GRAMD1B: variants seen among roughly 807,000 people sequenced by gnomAD.
GRAMD1B encodes GRAM domain containing 1B, also known as protein Aster-B.
GRAMD1B carries 37 observed loss-of-function variants against 99.7 expected under a neutral mutation model. The ratio of observed to expected loss-of-function variants is 0.37; its 90% confidence interval spans 0.29 to 0.49. The LOEUF (loss-of-function observed/expected upper bound fraction) is 0.49, where lower values mean the gene tolerates loss of function less well. GRAMD1B is among the 20% of genes least tolerant of loss of function. The pLI, the probability that GRAMD1B is intolerant of heterozygous loss-of-function variation, is 0.98. For synonymous variants in GRAMD1B, 427 were observed against 387.6 expected, an observed-to-expected ratio of 1.10 and a Z score of -1.19; for missense variants, 888 against 1,009.2, an observed-to-expected ratio of 0.88 and a Z score of 1.63.
chr11:123,407,594 G>C (rs916973506), intron 1 of GRAMD1B, among the ~76,000 whole-genome samples: 1 of 152,194 alleles, frequency 6.6e-6, no homozygotes, highest in African/African-American at 2.4e-5. Flanking sequence ...ACACCACCAG[G>C]TGATCTGCCA....
At chr11:123,390,820 C>T (rs1484424587) in intron 1 of GRAMD1B, among the ~76,000 whole-genome samples, 1 of 152,220 alleles carries the variant, frequency 6.6e-6, no homozygotes, top group African/African-American at 2.4e-5. Flanking sequence ...TTTCCATGAC[C>T]TCATCTAGGA....
intron 1 of GRAMD1B, among the ~76,000 whole-genome samples, chr11:123,476,400 C>T (rs184997070): frequency 2.0e-5 from 3 of 152,308 alleles, no homozygotes; most frequent in South Asian, 2.1e-4. Context: ...CGCACCCGGC[C>T]CATTTAACTT....
At chr11:123,548,325 T>TATACACACACACACAC (rs1555067740) in intron 2 of GRAMD1B, among the ~76,000 whole-genome samples, 18 of 86,890 alleles carry the variant, frequency 2.1e-4, no homozygotes, top group South Asian at 4.4e-4. Flanking sequence ...TATATATATA[T>TATACACACACACACAC]ACACACACAC....
chr11:123,553,462 GGGTGGCTACCTGATTGAAT>G (rs1945829069), intron 2 of GRAMD1B, among the ~76,000 whole-genome samples: 1 of 152,220 alleles, frequency 6.6e-6, no homozygotes, highest in Non-Finnish European at 1.5e-5. Flanking sequence ...TTTACTTAAA[GGGTGGCTACCTGATTGAAT>G]GGCAATGTTG....
At chr11:123,590,713 C>T (rs1351515760) in intron 4 of GRAMD1B, among the ~76,000 whole-genome samples, 1 of 152,170 alleles carries the variant, frequency 6.6e-6, no homozygotes, top group Non-Finnish European at 1.5e-5. Flanking sequence ...AGAGCAGGCC[C>T]TGTTGCTGCA....
chr11:123,497,779 T>C (rs1939451043), intron 2 of GRAMD1B, among the ~76,000 whole-genome samples: 1 of 151,510 alleles, frequency 6.6e-6, no homozygotes, highest in South Asian at 2.1e-4. Flanking sequence ...TGGGTGCCTG[T>C]AATCCCAGCT....
chr11:123,504,618 C>T (rs538709424), intron 2 of GRAMD1B, among the ~76,000 whole-genome samples: 2 of 152,276 alleles, frequency 1.3e-5, no homozygotes, highest in East Asian at 3.9e-4. Context: ...AGCTTCTCTC[C>T]ATCCACAGCT....
At chr11:123,464,623 A>G (rs530814444) in intron 1 of GRAMD1B, among the ~76,000 whole-genome samples, 36 of 152,342 alleles carry the variant, frequency 2.4e-4, no homozygotes, top group African/African-American at 8.4e-4. Flanking sequence ...AGGCCCCCTG[A>G]ATCAGAATCC....
chr11:123,584,199 T>C, intron 3 of GRAMD1B, 113 bp from the exon 4 acceptor site: 4 of 642,162 alleles, frequency 6.2e-6, no homozygotes, highest in Non-Finnish European at 8.4e-6. Context: ...TTCAGCTGCA[T>C]TTGGACCCCT....
At chr11:123,447,773 GC>G (rs1403085746) in intron 1 of GRAMD1B, among the ~76,000 whole-genome samples, 2 of 152,184 alleles carry the variant, frequency 1.3e-5, no homozygotes, top group African/African-American at 4.8e-5. Context: ...TATCTATGAG[GC>G]CTCCAAGTCT....
At chr11:123,543,982 AT>A (rs1292720279) in intron 2 of GRAMD1B, among the ~76,000 whole-genome samples, 1 of 152,182 alleles carries the variant, frequency 6.6e-6, no homozygotes, top group African/African-American at 2.4e-5. Context: ...ACCTTGCTTT[AT>A]ATTGTTAGCA....
chr11:123,480,269 G>T (rs1328831231), intron 1 of GRAMD1B, among the ~76,000 whole-genome samples: 3 of 152,104 alleles, frequency 2.0e-5, no homozygotes, highest in Admixed American at 6.5e-5. Context: ...TGGAGGCAGA[G>T]TAGCAGACTA....
chr11:123,498,086 C>T (rs1005535216), intron 2 of GRAMD1B, among the ~76,000 whole-genome samples: 43 of 151,934 alleles, frequency 2.8e-4, no homozygotes, highest in African/African-American at 9.4e-4. Context: ...CTTTTCATTC[C>T]GCTTGTGATG....
intron 1 of GRAMD1B, among the ~76,000 whole-genome samples, chr11:123,467,988 C>T (rs1438470961): frequency 4.0e-5 from 6 of 151,836 alleles, no homozygotes; most frequent in Admixed American, 6.6e-5. Flanking sequence ...CTCAGCCTCC[C>T]GAGTAGCTGG....
chr11:123,442,180 T>C (rs899960402), intron 1 of GRAMD1B, among the ~76,000 whole-genome samples: 1 of 152,212 alleles, frequency 6.6e-6, no homozygotes, highest in African/African-American at 2.4e-5. Context: ...ATTCCACAGG[T>C]TCAGGGCTCA....
At chr11:123,589,627 T>TATA (rs1294388870) in intron 4 of GRAMD1B, among the ~76,000 whole-genome samples, 17 of 142,680 alleles carry the variant, frequency 1.2e-4, no homozygotes, top group Non-Finnish European at 1.8e-4. Context: ...TATATATATA[T>TATA]ATATATATAT....
At chr11:123,545,947 C>G (rs995590722) in intron 2 of GRAMD1B, among the ~76,000 whole-genome samples, 3 of 152,236 alleles carry the variant, frequency 2.0e-5, no homozygotes, top group Non-Finnish European at 4.4e-5. Context: ...TGTCATTTGT[C>G]CTCCCTGCCT....
chr11:123,421,652 A>T (rs989894236), intron 1 of GRAMD1B, among the ~76,000 whole-genome samples: 1 of 152,234 alleles, frequency 6.6e-6, no homozygotes, highest in Middle Eastern at 3.2e-3. Context: ...GCTTATAAAA[A>T]TTTCCAACTG....
chr11:123,513,589 C>T (rs1408232120), intron 2 of GRAMD1B, among the ~76,000 whole-genome samples: 201 of 65,008 alleles, frequency 3.1e-3, no homozygotes, highest in African/African-American at 0.012. Flanking sequence ...TTCCTTCCTT[C>T]CTTCCTTCCT....
Sources: allele counts gnomAD v4.1 joint callset (sites outside exome capture counted in the v4.1 genomes callset), GRCh38; gene constraint gnomAD v4.1.1; transcripts MANE v1.5; gene names NCBI Gene and HGNC (gene_info 2026-07-23, HGNC 2026-07-21).